SMCHD1: variants seen among roughly 807,000 people sequenced by gnomAD.
The protein encoded by SMCHD1 is structural maintenance of chromosomes flexible hinge domain containing 1, also known as structural maintenance of chromosomes flexible hinge domain-containing protein 1.
In SMCHD1, 78 loss-of-function variants were observed where a neutral mutation model predicts 254.7. That is an observed-to-expected ratio of 0.31 (90% CI 0.26 to 0.37). SMCHD1 has a LOEUF of 0.37. Among genes scored for constraint, SMCHD1 ranks in the 10% least tolerant of loss-of-function variants. The pLI, the probability that SMCHD1 is intolerant of heterozygous loss-of-function variation, is 1.00. For missense variants in SMCHD1, 1,840 were observed against 2,408.1 expected (o/e 0.76, Z 4.94); for synonymous variants, 766 against 794.9 (o/e 0.96, Z 0.61).
chr18:2,708,907 T>TATATATATATATAA (rs769432583), intron 17 of SMCHD1, among the ~76,000 whole-genome samples: 1,196 of 44,634 alleles, frequency 0.027, 259 homozygotes, highest in South Asian at 0.03. Flanking sequence ...TATATATATA[T>TATATATATATATAA]AACATATTAA....
chr18:2,773,197 A>T (rs1382155266), intron 41 of SMCHD1, among the ~76,000 whole-genome samples: 1 of 152,218 alleles, frequency 6.6e-6, no homozygotes, highest in Non-Finnish European at 1.5e-5. Context: ...AAACTGAAAA[A>T]TTGAATTTTA....
intron 17 of SMCHD1, among the ~76,000 whole-genome samples, chr18:2,713,882 G>A (rs1218468276): frequency 6.6e-6 from 1 of 152,090 alleles, no homozygotes; most frequent in East Asian, 1.9e-4. Context: ...GATTTGTTTT[G>A]TGGCCTAATG....
At chr18:2,672,071 A>G (rs2073622309) in intron 3 of SMCHD1, among the ~76,000 whole-genome samples, 2 of 151,950 alleles carry the variant, frequency 1.3e-5, no homozygotes, top group Admixed American at 1.3e-4. Flanking sequence ...CATTTCCTAC[A>G]GTGTCCCTTC....
intron 1 of SMCHD1, among the ~76,000 whole-genome samples, chr18:2,665,112 G>T (rs2073399055): frequency 6.6e-6 from 1 of 152,052 alleles, no homozygotes; most frequent in Non-Finnish European, 1.5e-5. Flanking sequence ...TTGCTGTATT[G>T]TTTCATTTTA....
At chr18:2,770,833 C>T (rs532306690) in intron 39 of SMCHD1, among the ~76,000 whole-genome samples, 1 of 151,986 alleles carries the variant, frequency 6.6e-6, no homozygotes, top group Non-Finnish European at 1.5e-5. Flanking sequence ...GTTGGCCGGG[C>T]TGGTCTCGAA....
chr18:2,697,002 A>G, intron 8 of SMCHD1, 30 bp from the exon 9 acceptor site: 1 of 991,974 alleles, frequency 1.0e-6, no homozygotes, highest in Non-Finnish European at 1.5e-6. Context: ...ATGTGAATTA[A>G]AAGTATAAAA....
chr18:2,705,349 TTCA>T (rs2074489292), intron 13 of SMCHD1, among the ~76,000 whole-genome samples: 1 of 152,292 alleles, frequency 6.6e-6, no homozygotes, highest in Non-Finnish European at 1.5e-5. Flanking sequence ...TAAATTGCTG[TTCA>T]TCATCTGAGA....
intron 8 of SMCHD1, among the ~76,000 whole-genome samples, chr18:2,695,152 T>A (rs1315883642): frequency 1.3e-5 from 2 of 152,126 alleles, no homozygotes; most frequent in Non-Finnish European, 2.9e-5. Flanking sequence ...AATGAATGCA[T>A]CAAGCCTATT....
Position 2,700,556 on chromosome 18 carries a change from G to A in SMCHD1, c.1360G>A (p.Asp454Asn). 1 of 1,609,172 alleles carries A rather than the reference G, an allele frequency of 6.2e-7. No homozygotes were observed. The highest frequency in any genetic ancestry group is 8.5e-7 in the Non-Finnish European group (1 of 1,178,164). The part of the protein sequence containing the change: ...CFPSKLKDED[D>N]EDDCFILEKA... ...TGATCTAGAATTAAAAGATGAAGAT[G>A]ATGAAGATGATTGTTTCATACTTGA... The change falls in exon 11 of 48, where the codon GAT becomes AAT. Residue 454 changes from aspartate to asparagine, a missense_variant. Physicochemically the swap from Asp to Asn is conservative, Grantham distance 23. Transcript: ENST00000320876.
intron 42 of SMCHD1, among the ~76,000 whole-genome samples, chr18:2,776,489 A>G (rs530039719): frequency 1.3e-5 from 2 of 152,180 alleles, no homozygotes; most frequent in Non-Finnish European, 2.9e-5. Flanking sequence ...GATTACAGGT[A>G]TGAGTCACTG....
chr18:2,678,672 T>C (rs935090409), intron 5 of SMCHD1, among the ~76,000 whole-genome samples: 10 of 152,256 alleles, frequency 6.6e-5, no homozygotes, highest in South Asian at 6.2e-4. Flanking sequence ...TATTTCTTCA[T>C]GTGTATTTGA....
intron 14 of SMCHD1, 26 bp downstream of exon 14, chr18:2,705,833 C>T (rs749847707): frequency 7.5e-7 from 1 of 1,342,010 alleles, no homozygotes; most frequent in South Asian, 1.3e-5. Context: ...ATAAAACATA[C>T]TGAAAGTTTC....
intron 44 of SMCHD1, among the ~76,000 whole-genome samples, chr18:2,781,387 C>T (rs1053880077): frequency 2.0e-5 from 3 of 152,290 alleles, no homozygotes; most frequent in African/African-American, 4.8e-5. Flanking sequence ...AAAACCTTCA[C>T]GGTAAACATT....
At chr18:2,656,676 T>G (rs1229911194) in intron 1 of SMCHD1, among the ~76,000 whole-genome samples, 1 of 152,210 alleles carries the variant, frequency 6.6e-6, no homozygotes, top group African/African-American at 2.4e-5. Context: ...GGCTCTGTTG[T>G]GAGTGTTGCG....
At position 2,718,704 on chromosome 18, in the gene SMCHD1, C is replaced by T. The variant is rs1045558311; in HGVS notation, c.2458+270C>T. ...CCGAGTAGCTGGGATTACAGGCGCC[C>T]GCCACCACACCTGGCTTTTTGTATT... is the stretch of plus-strand genomic sequence containing the variant. On this transcript the variant is annotated intron_variant, in intron 19 of 47. Transcript: ENST00000320876. This position sits in a 1 kb window ranked among gnomAD's most constrained non-coding sequence, Gnocchi z 4.6. Among the ~76,000 whole-genome samples the T allele has an allele frequency of 4.0e-5, 6 of 151,856 alleles. No homozygotes were observed. Among genetic ancestry groups the T allele is most frequent in the African/African-American group, 7.3e-5 (3 of 41,332 alleles).
rs144814391 is a variant in SMCHD1 at position 2,777,214 on chromosome 18, G to A, written c.5367-592G>A. On this transcript the variant is annotated intron_variant, in intron 42 of 47. Coordinates refer to ENST00000320876, the MANE Select transcript of SMCHD1 (RefSeq NM_015295.3). ...TAGGGCTAACGTTTGTTCTAGAAAC[G>A]AGTTATCCTCTCTGTTTCTGGTATT... Among the ~76,000 whole-genome samples, 659 of 152,286 alleles carry A rather than the reference G, an allele frequency of 4.3e-3. 4 individuals carry two copies. The highest frequency in any genetic ancestry group is 0.015 in the African/African-American group (640 of 41,556).
At chr18:2,757,744 T>G (rs1383671493) in intron 34 of SMCHD1, among the ~76,000 whole-genome samples, 1 of 152,086 alleles carries the variant, frequency 6.6e-6, no homozygotes, top group Admixed American at 6.6e-5. Context: ...ATCTTTTATA[T>G]TTTTTGTCTG....
At chr18:2,754,816 G>A (rs897124130) in intron 34 of SMCHD1, among the ~76,000 whole-genome samples, 15 of 141,346 alleles carry the variant, frequency 1.1e-4, no homozygotes, top group Non-Finnish European at 2.0e-4. Flanking sequence ...ACAGTTATAC[G>A]TGGAATTGAT....
chr18:2,688,259 C>T (rs2074097169), intron 5 of SMCHD1, 135 bp from the exon 6 acceptor site: 2 of 637,922 alleles, frequency 3.1e-6, no homozygotes, highest in South Asian at 3.8e-5. Flanking sequence ...TGTCTTGACA[C>T]TGATTATTTC....
Sources: allele counts gnomAD v4.1 joint callset (sites outside exome capture counted in the v4.1 genomes callset), GRCh38; gene constraint gnomAD v4.1.1; non-coding constraint Gnocchi (gnomAD v3.1); transcripts MANE v1.5; gene names NCBI Gene and HGNC (gene_info 2026-07-23, HGNC 2026-07-21).